The following HS6ST3 variants were observed in gnomAD, a reference collection of about 807,000 sequenced individuals.
The protein encoded by HS6ST3 is heparan-sulfate 6-O-sulfotransferase 3.
Under a neutral mutation model 36.7 loss-of-function variants are expected in HS6ST3, and 12 were observed. The ratio of observed to expected loss-of-function variants is 0.33; its 90% CI spans 0.21 to 0.53. The LOEUF (loss-of-function observed/expected upper bound fraction) is 0.53. Among genes scored for constraint, HS6ST3 ranks in the 20% least tolerant of loss-of-function variants. The pLI, the probability that HS6ST3 is intolerant of heterozygous loss-of-function variation, is 0.95. For missense variants in HS6ST3, 584 were observed against 640.9 expected (o/e 0.91, Z 0.96); for synonymous variants, 240 against 257.5 (o/e 0.93, Z 0.65).
At chr13:96,267,761 A>G (rs984634814) in intron 1 of HS6ST3, among the ~76,000 whole-genome samples, 2 of 152,076 alleles carry the variant, frequency 1.3e-5, no homozygotes, top group Non-Finnish European at 2.9e-5. Context: ...TGTGAAACTG[A>G]TAAGTCAAGA....
intron 1 of HS6ST3, among the ~76,000 whole-genome samples, chr13:96,498,552 C>T (rs2055988577): frequency 6.6e-6 from 1 of 152,198 alleles, no homozygotes; most frequent in East Asian, 1.9e-4. Context: ...TATTACATCA[C>T]CTGATTTCAA....
chr13:96,561,582 C>T (rs1254766970), intron 1 of HS6ST3, among the ~76,000 whole-genome samples: 1 of 152,046 alleles, frequency 6.6e-6, no homozygotes, highest in Non-Finnish European at 1.5e-5. Flanking sequence ...AAGAAATTAT[C>T]AACAGAGTAA....
chr13:96,095,123 G>A (rs2053784090), intron 1 of HS6ST3, among the ~76,000 whole-genome samples: 1 of 152,170 alleles, frequency 6.6e-6, no homozygotes, highest in Non-Finnish European at 1.5e-5. Flanking sequence ...TTTCTTGAGG[G>A]AATTCATGTC....
At chr13:96,612,819 G>A (rs1238309192) in intron 1 of HS6ST3, among the ~76,000 whole-genome samples, 1 of 152,050 alleles carries the variant, frequency 6.6e-6, no homozygotes, top group African/African-American at 2.4e-5. Flanking sequence ...TGATGTCTGA[G>A]GCCTTGTGTG....
chr13:96,346,008 G>C (rs960633543), intron 1 of HS6ST3, among the ~76,000 whole-genome samples: 2 of 152,128 alleles, frequency 1.3e-5, no homozygotes, highest in African/African-American at 4.8e-5. Context: ...TCCCTAACAT[G>C]TGCAGTTCAC....
chr13:96,787,874 T>G (rs1393973497), intron 1 of HS6ST3, among the ~76,000 whole-genome samples: 1 of 152,014 alleles, frequency 6.6e-6, no homozygotes, highest in African/African-American at 2.4e-5. Flanking sequence ...TCTGTAAATT[T>G]CTAGTTTTAC....
chr13:96,300,047 C>CTTT (rs11350737), intron 1 of HS6ST3, among the ~76,000 whole-genome samples: 7 of 74,524 alleles, frequency 9.4e-5, no homozygotes, highest in Non-Finnish European at 1.5e-4. Context: ...AAGTGCTACA[C>CTTT]TTTTTTTTTT....
At chr13:96,464,163 C>CAAAAAAAAAAAAAAAAAAAAAA (rs1322172089) in intron 1 of HS6ST3, among the ~76,000 whole-genome samples, 580 of 64,690 alleles carry the variant, frequency 9.0e-3, no homozygotes, top group Non-Finnish European at 0.015. Context: ...AAAAAAAAAT[C>CAAAAAAAAAAAAAAAAAAAAAA]AAAGATCTGA....
rs78068512 is a variant in HS6ST3, at chr13:96,400,635, A to C, written c.707+309066A>C. Among the ~76,000 whole-genome samples the C allele has an allele frequency of 2.6e-5, 4 of 152,242 alleles. No homozygotes were observed. In the East Asian group the frequency reaches 7.7e-4, roughly 29 times the overall value. On this transcript the variant is annotated intron_variant, in intron 1 of 1. Coordinates refer to ENST00000376705, the MANE Select transcript of HS6ST3 (RefSeq NM_153456.4). ...TCAGAAGAGGGATATTGATGGGAAG[A>C]TGAAGCCACAGGAGAGGAGTGACAA...
At chr13:96,765,588 T>C (rs201356320) in intron 1 of HS6ST3, among the ~76,000 whole-genome samples, 230 of 142,640 alleles carry the variant, frequency 1.6e-3, no homozygotes, top group South Asian at 6.6e-3. Context: ...CTCTCTCTCT[T>C]TCTCTCTCTC....
At chr13:96,243,378 A>G (rs1385316131) in intron 1 of HS6ST3, among the ~76,000 whole-genome samples, 1 of 152,220 alleles carries the variant, frequency 6.6e-6, no homozygotes, top group Non-Finnish European at 1.5e-5. Context: ...AACTCCTTTG[A>G]TACTCTTAAG....
rs552737633 is a variant in HS6ST3 at position 96,436,628 on chromosome 13, C to T, written c.707+345059C>T. ...AGTCCTAATCCAACCTGACTAGTGT[C>T]CTTATAAGAAGAAGAAATTTCATCA... On this transcript the variant is annotated intron_variant, in intron 1 of 1. Transcript: ENST00000376705. Among the ~76,000 whole-genome samples, 75 of 152,210 alleles carry T rather than the reference C, an allele frequency of 4.9e-4. 2 individuals are homozygous for T. The South Asian group carries it at 0.015, about 30-fold the overall frequency.
intron 1 of HS6ST3, among the ~76,000 whole-genome samples, chr13:96,343,806 G>A (rs1594758465): frequency 1.3e-5 from 2 of 152,176 alleles, no homozygotes; most frequent in South Asian, 4.1e-4. Context: ...GCAATAGTGC[G>A]ATCTTGGCTC....
chr13:96,586,462 AT>A (rs1225678012), intron 1 of HS6ST3, among the ~76,000 whole-genome samples: 3 of 151,882 alleles, frequency 2.0e-5, no homozygotes, highest in Non-Finnish European at 4.4e-5. Context: ...TGCCTGGCTA[AT>A]TTTTGTATTT....
intron 1 of HS6ST3, among the ~76,000 whole-genome samples, chr13:96,560,789 A>G (rs2056259012): frequency 1.3e-5 from 2 of 152,196 alleles, no homozygotes; most frequent in African/African-American, 4.8e-5. Context: ...TAGCTGCAAA[A>G]TATAGAATAC....
At chr13:96,335,593 T>C (rs2055096682) in intron 1 of HS6ST3, among the ~76,000 whole-genome samples, 1 of 152,212 alleles carries the variant, frequency 6.6e-6, no homozygotes, top group East Asian at 1.9e-4. Context: ...AATGTTTCCA[T>C]GGCAATTCTA....
intron 1 of HS6ST3, among the ~76,000 whole-genome samples, chr13:96,207,849 G>C (rs529470270): frequency 1.2e-3 from 181 of 152,072 alleles, no homozygotes; most frequent in Non-Finnish European, 2.2e-3. Flanking sequence ...ATGGGGGAAG[G>C]GATAGCATCA....
At chr13:96,389,090 T>A (rs1211030307) in intron 1 of HS6ST3, among the ~76,000 whole-genome samples, 2 of 152,164 alleles carry the variant, frequency 1.3e-5, no homozygotes, top group Non-Finnish European at 2.9e-5. Flanking sequence ...AATGTAGAGA[T>A]AGAAAATTAA....
chr13:96,206,961 G>A (rs772869934), intron 1 of HS6ST3, among the ~76,000 whole-genome samples: 11 of 152,068 alleles, frequency 7.2e-5, no homozygotes, highest in Admixed American at 4.6e-4. Context: ...TGACAAATGC[G>A]ATCTAATTAA....
Sources: allele counts gnomAD v4.1 joint callset (sites outside exome capture counted in the v4.1 genomes callset), GRCh38; gene constraint gnomAD v4.1.1; transcripts MANE v1.5; gene names NCBI Gene and HGNC (gene_info 2026-07-23, HGNC 2026-07-21).